LARGE1: variants seen among roughly 807,000 people sequenced by gnomAD.
The protein encoded by LARGE1 is xylosyl- and glucuronyltransferase LARGE1.
Under a neutral mutation model 87.6 loss-of-function variants are expected in LARGE1, and 43 were observed. The observed-to-expected ratio is 0.49, with a 90% CI of 0.38 to 0.63. LARGE1 has a LOEUF of 0.63. LARGE1 is among the 30% of genes least tolerant of loss of function. The pLI, the probability that LARGE1 is intolerant of heterozygous loss-of-function variation, is 0.00. For missense variants in LARGE1, 802 were observed against 1,000.2 expected (o/e 0.80, Z 2.67); for synonymous variants, 434 against 394.6 (o/e 1.10, Z -1.18).
At chr22:33,864,873 T>C (rs2064039961) in intron 1 of LARGE1, among the ~76,000 whole-genome samples, 1 of 152,234 alleles carries the variant, frequency 6.6e-6, no homozygotes, top group Non-Finnish European at 1.5e-5. Context: ...GTACTCCTGA[T>C]GTGGCCTTAT....
intron 2 of LARGE1, among the ~76,000 whole-genome samples, chr22:33,681,811 A>G (rs1258264893): frequency 6.6e-6 from 1 of 152,238 alleles, no homozygotes; most frequent in East Asian, 1.9e-4. Context: ...AAATGTACAG[A>G]GGCACATTCA....
chr22:33,184,562 TAATAAAACA>T (rs1244733134), intron 11 of LARGE1, among the ~76,000 whole-genome samples: 4 of 151,430 alleles, frequency 2.6e-5, no homozygotes, highest in African/African-American at 9.7e-5. Flanking sequence ...AAATTATAAT[TAATAAAACA>T]GAAGCAAATT....
chr22:33,257,312 C>T (rs1839066415), intron 11 of LARGE1, among the ~76,000 whole-genome samples: 4 of 152,142 alleles, frequency 2.6e-5, no homozygotes, highest in Admixed American at 2.6e-4. Flanking sequence ...GTGGGTGGAT[C>T]ACTTGAGCCC....
chr22:33,172,450 ACTCTCT>A (rs137349), intron 11 of LARGE1, among the ~76,000 whole-genome samples: 2 of 149,606 alleles, frequency 1.3e-5, no homozygotes, highest in Admixed American at 6.7e-5. Context: ...TCCCCTGCTC[ACTCTCT>A]CTCTCTCTCT....
At chr22:33,331,532 C>T (rs149446388) in intron 10 of LARGE1, among the ~76,000 whole-genome samples, 31 of 151,932 alleles carry the variant, frequency 2.0e-4, no homozygotes, top group African/African-American at 6.8e-4. Context: ...CTCAGCCTCC[C>T]GAGTACCTGG....
intron 4 of LARGE1, among the ~76,000 whole-genome samples, chr22:33,607,914 G>A (rs1244074954): frequency 6.6e-6 from 1 of 152,164 alleles, no homozygotes; most frequent in Non-Finnish European, 1.5e-5. Context: ...CATGCTCAGG[G>A]GAAAGGGGCA....
chr22:33,138,979 G>A, the LARGE1 span, among the ~76,000 whole-genome samples: 4 of 152,072 alleles, frequency 2.6e-5, no homozygotes, highest in African/African-American at 4.8e-5. Flanking sequence ...TGCTGTTCTC[G>A]TGATAGTGAA....
intron 5 of LARGE1, among the ~76,000 whole-genome samples, chr22:33,580,858 T>A (rs1413045703): frequency 6.6e-6 from 1 of 152,238 alleles, no homozygotes; most frequent in Non-Finnish European, 1.5e-5. Flanking sequence ...GTTCTTGAAT[T>A]CAGCCTGGCT....
At chr22:33,696,112 A>T (rs2149353248) in intron 2 of LARGE1, among the ~76,000 whole-genome samples, 1 of 152,288 alleles carries the variant, frequency 6.6e-6, no homozygotes. Context: ...TTAACGGAAC[A>T]CAAATTATTT....
intron 10 of LARGE1, among the ~76,000 whole-genome samples, chr22:33,328,811 T>C (rs1001580320): frequency 2.0e-5 from 3 of 152,076 alleles, no homozygotes; most frequent in Non-Finnish European, 4.4e-5. Flanking sequence ...CTTGTGGCTT[T>C]AGAGTTAGGT....
intron 6 of LARGE1, among the ~76,000 whole-genome samples, chr22:33,527,848 C>T (rs538472582): frequency 1.3e-5 from 2 of 152,254 alleles, no homozygotes; most frequent in South Asian, 2.1e-4. Context: ...ACATCTGCTC[C>T]TAGAGCAGGA....
intron 11 of LARGE1, among the ~76,000 whole-genome samples, chr22:33,237,621 C>T (rs1049411665): frequency 6.6e-5 from 10 of 152,056 alleles, no homozygotes; most frequent in Admixed American, 4.6e-4. Flanking sequence ...GGCTGCTCAC[C>T]ACTTGTGGAA....
At chr22:33,700,413 A>C (rs1394760616) in intron 2 of LARGE1, among the ~76,000 whole-genome samples, 1 of 152,234 alleles carries the variant, frequency 6.6e-6, no homozygotes, top group African/African-American at 2.4e-5. Context: ...ACCAGGCACT[A>C]TGCGGAAGGC....
chr22:33,177,997 T>C (rs527922379), intron 11 of LARGE1, among the ~76,000 whole-genome samples: 1 of 152,318 alleles, frequency 6.6e-6, no homozygotes, highest in Non-Finnish European at 1.5e-5. Flanking sequence ...ACCTTGCTTC[T>C]CCTTCACTTT....
chr22:33,407,783 T>C (rs2066153717), intron 7 of LARGE1, among the ~76,000 whole-genome samples: 1 of 152,298 alleles, frequency 6.6e-6, no homozygotes, highest in East Asian at 1.9e-4. Context: ...TATGTATCTT[T>C]GGCTTTGGAA....
intron 1 of LARGE1, among the ~76,000 whole-genome samples, chr22:33,879,928 A>G (rs1223798100): frequency 6.6e-6 from 1 of 152,062 alleles, no homozygotes; most frequent in African/African-American, 2.4e-5. Context: ...TCATCTTGAC[A>G]CCCTGTTTTT....
At chr22:33,134,421 G>T in the LARGE1 span, among the ~76,000 whole-genome samples, 1 of 152,024 alleles carries the variant, frequency 6.6e-6, no homozygotes, top group Non-Finnish European at 1.5e-5. Flanking sequence ...ACCACGCCTG[G>T]CTAATTTTTG....
chr22:33,724,796 CA>C (rs1201821979), intron 2 of LARGE1: 3 of 152,236 alleles, frequency 2.0e-5, no homozygotes, highest in Non-Finnish European at 4.4e-5. Context: ...CATGACCAAC[CA>C]ATCACCTGCC....
intron 1 of LARGE1, among the ~76,000 whole-genome samples, chr22:33,810,719 A>T (rs2086465776): frequency 6.6e-6 from 1 of 151,108 alleles, no homozygotes; most frequent in Non-Finnish European, 1.5e-5. Context: ...AGGGTGAGGG[A>T]TGAATTTCTT....
Sources: allele counts gnomAD v4.1 joint callset (sites outside exome capture counted in the v4.1 genomes callset), GRCh38; gene constraint gnomAD v4.1.1; transcripts MANE v1.5; gene names NCBI Gene and HGNC (gene_info 2026-07-23, HGNC 2026-07-21).